The following CIAO2A variants were observed in gnomAD, a reference collection of about 807,000 sequenced individuals.
The protein encoded by CIAO2A is MIP18 family protein FAM96A.
Under a neutral mutation model 22.4 loss-of-function variants are expected in CIAO2A, and 17 were observed. That is an observed-to-expected ratio of 0.76 (90% CI 0.52 to 1.14). The LOEUF (loss-of-function observed/expected upper bound fraction) is 1.14. Among genes scored for constraint, CIAO2A ranks in the 50% most tolerant of loss-of-function variants. The pLI, the probability that CIAO2A is intolerant of heterozygous loss-of-function variation, is 0.00. For synonymous variants in CIAO2A, 74 were observed against 72.3 expected, an observed-to-expected ratio of 1.02 and a Z score of -0.12; for missense variants, 192 against 191.4, an observed-to-expected ratio of 1.00 and a Z score of -0.02.
chr15:64,073,267 A>G (rs1275829212), intron 4 of CIAO2A, among the ~76,000 whole-genome samples: 1 of 152,198 alleles, frequency 6.6e-6, no homozygotes, highest in Non-Finnish European at 1.5e-5. Flanking sequence ...GTCCATACAC[A>G]TATTTTTATA....
chr15:64,077,737 T>C (rs1412792464), intron 3 of CIAO2A, among the ~76,000 whole-genome samples: 1 of 152,038 alleles, frequency 6.6e-6, no homozygotes, highest in Non-Finnish European at 1.5e-5. Context: ...CTAAATTAAA[T>C]GAGACTAAAG....
At chr15:64,083,920 G>A (rs2080775048) in intron 2 of CIAO2A, among the ~76,000 whole-genome samples, 1 of 151,482 alleles carries the variant, frequency 6.6e-6, no homozygotes, top group South Asian at 2.1e-4. Flanking sequence ...TCCAACCTGG[G>A]CAACAGAGCA....
In CIAO2A at chr15:64,084,929, C is replaced by T. The variant is rs533403123; in HGVS notation, c.289+3758G>A. On this transcript the variant is annotated intron_variant, in intron 2 of 4. Transcript: ENST00000300030. ...CCAACATGGTGAAACCCCGTCTCTA[C>T]TAAAAATACAAAAATTAGCTGGGCT... Among the ~76,000 whole-genome samples the T allele has an allele frequency of 9.2e-5, 14 of 151,478 alleles. No individual in the cohort carries two copies. The East Asian group carries it at 2.5e-3, about 27-fold the overall frequency.
intron 2 of CIAO2A, among the ~76,000 whole-genome samples, chr15:64,085,619 T>C (rs1422946700): frequency 6.6e-6 from 1 of 152,302 alleles, no homozygotes; most frequent in East Asian, 1.9e-4. Context: ...GTTTTACAGA[T>C]AAGGAAACTG....
Position 64,088,798 on chromosome 15 carries a change from C to T in CIAO2A, c.178G>A (p.Glu60Lys). 6.2e-7 allele frequency: 1 copy of T among 1,614,032 alleles called. No homozygotes were observed. Among genetic ancestry groups the T allele is most frequent in the East Asian group, 2.2e-5 (1 of 44,866 alleles). ...TCCACACAACTTTCCGAGACCACTTCCAGTTCTTCTAAAGTATTGGGCTTT... is the reference window on the plus strand; with the variant it reads ...TCCACACAACTTTCCGAGACCACTTTCAGTTCTTCTAAAGTATTGGGCTTT... ...PEKPNTLEEL[E>K]VVSESCVEVQ... The change falls in exon 2 of 5, where the codon GAA becomes AAA. Residue 60 changes from glutamate to lysine, a missense_variant. Transcript: ENST00000300030.
chr15:64,083,887 A>C (rs1261119942), intron 2 of CIAO2A, among the ~76,000 whole-genome samples: 1 of 151,358 alleles, frequency 6.6e-6, no homozygotes. Flanking sequence ...AGGTTGCAGT[A>C]AGCCAAGACA....
At chr15:64,077,753 T>C (rs904424900) in intron 3 of CIAO2A, among the ~76,000 whole-genome samples, 1 of 152,138 alleles carries the variant, frequency 6.6e-6, no homozygotes, top group African/African-American at 2.4e-5. Context: ...TAAAGAGACA[T>C]GGCAACTAAT....
chr15:64,072,649 AGTT>A lies in CIAO2A; in HGVS notation c.*279_*281del. 1 of 254,168 alleles carries A rather than the reference AGTT, an allele frequency of 3.9e-6. No homozygotes were observed. Among genetic ancestry groups the A allele is most frequent in the Non-Finnish European group, 7.5e-6 (1 of 134,156 alleles). 15.7% of individuals were successfully genotyped at this position (254,168 alleles called of 1,614,324 possible). A position where few individuals can be genotyped will look rare whatever the true frequency, so the allele number is the denominator to read the frequency against. ...ACAGTAGATATTTGACACGAAAAAT[AGTT>A]GTATCAGAATGAGCATCAGAAAAAT... On this transcript the variant is annotated 3_prime_UTR_variant, in exon 5 of 5. Transcript: ENST00000300030.
At chr15:64,078,608 C>A (rs1232915391) in intron 3 of CIAO2A, among the ~76,000 whole-genome samples, 1 of 136,102 alleles carries the variant, frequency 7.3e-6, no homozygotes, top group South Asian at 2.2e-4. Context: ...TGCCCTCCAG[C>A]CTGGGCGACA....
At chr15:64,074,752 T>G (rs1485680228) in intron 4 of CIAO2A, 1 of 152,208 alleles carries the variant, frequency 6.6e-6, no homozygotes, top group Non-Finnish European at 1.5e-5. Context: ...GCCCTGTGTA[T>G]GCCTTTCTGA....
rs2411150 is a variant in CIAO2A, at chr15:64,072,797, G to A, written c.*134C>T. The A allele has an allele frequency of 1.3e-5, 7 of 546,682 alleles. No homozygotes were observed. Among genetic ancestry groups the A allele is most frequent in the South Asian group, 2.9e-5 (1 of 34,664 alleles). 33.9% of individuals were successfully genotyped at this position (546,682 alleles called of 1,614,324 possible). A position where few individuals can be genotyped will look rare whatever the true frequency, so the allele number is the denominator to read the frequency against. On this transcript the variant is annotated 3_prime_UTR_variant, in exon 5 of 5. Transcript: ENST00000300030. Reference sequence around the variant, plus strand: ...AGGTACTACCTTATAATTAAATCTCGCTTGGAAAGAATCCTTTAAAAAATA... The same window carrying A: ...AGGTACTACCTTATAATTAAATCTCACTTGGAAAGAATCCTTTAAAAAATA...
At chr15:64,073,510 T>C (rs1166704342) in intron 4 of CIAO2A, among the ~76,000 whole-genome samples, 2 of 152,232 alleles carry the variant, frequency 1.3e-5, no homozygotes, top group Non-Finnish European at 1.5e-5. Flanking sequence ...ATTCATATCA[T>C]TGATTTACTT....
At chr15:64,088,575 T>C in intron 2 of CIAO2A, 112 bp downstream of exon 2, 1 of 799,044 alleles carries the variant, frequency 1.3e-6, no homozygotes, top group Non-Finnish European at 1.9e-6. Context: ...TAAAGTGTAA[T>C]ACATACACTG....
In CIAO2A at chr15:64,072,641, C is replaced by T. The variant is rs117537239; in HGVS notation, c.*290G>A. The T allele has an allele frequency of 2.1e-3, 502 of 240,470 alleles. 3 individuals carry two copies. Among genetic ancestry groups the T allele is most frequent in the East Asian group, 0.018 (203 of 11,490 alleles). The allele number at this position is 240,470 out of a possible 1,614,324, so 14.9% of individuals were successfully genotyped here. A position where few individuals can be genotyped will look rare whatever the true frequency, so the allele number is the denominator to read the frequency against. On this transcript the variant is annotated 3_prime_UTR_variant, in exon 5 of 5. Coordinates refer to ENST00000300030, the MANE Select transcript of CIAO2A (RefSeq NM_032231.7). The stretch of plus-strand genomic sequence containing the variant: ...ATTTGGGCACAGTAGATATTTGACA[C>T]GAAAAATAGTTGTATCAGAATGAGC...
chr15:64,084,660 T>C (rs949687347), intron 2 of CIAO2A, among the ~76,000 whole-genome samples: 1 of 151,944 alleles, frequency 6.6e-6, no homozygotes, highest in Admixed American at 6.6e-5. Flanking sequence ...TCCCAGCTGC[T>C]TGGGAGGCTG....
chr15:64,093,532 A>C, intron 1 of CIAO2A, 113 bp downstream of exon 1: 1 of 1,270,770 alleles, frequency 7.9e-7, no homozygotes, highest in Non-Finnish European at 1.1e-6. Flanking sequence ...CAAACAAACA[A>C]ACAAAAAAAA....
intron 1 of CIAO2A, among the ~76,000 whole-genome samples, chr15:64,092,981 GTTCT>G (rs759441304): frequency 2.4e-4 from 37 of 152,362 alleles, no homozygotes; most frequent in Non-Finnish European, 4.1e-4. Context: ...CCTCCAGGTA[GTTCT>G]TTAACCTTTG....
chr15:64,093,534 CAA>C, intron 1 of CIAO2A, 109 bp downstream of exon 1: 3 of 1,242,914 alleles, frequency 2.4e-6, no homozygotes, highest in Non-Finnish European at 3.3e-6. Context: ...AACAAACAAA[CAA>C]AAAAAAAGGT....
chr15:64,087,603 T>G lies in CIAO2A; in HGVS notation c.289+1084A>C, dbSNP rs368843620. On this transcript the variant is annotated intron_variant, in intron 2 of 4. Transcript: ENST00000300030. ...CCAGTCCCTCAAGATGTGGCCTATA[T>G]GGTGGAAACCACCAGCAGAGGGAAC... Among the ~76,000 whole-genome samples, 5 of 152,354 alleles carry G rather than the reference T, an allele frequency of 3.3e-5. No individual in the cohort carries two copies. In the East Asian group the frequency reaches 9.6e-4, roughly 29 times the overall value.
Sources: allele counts gnomAD v4.1 joint callset (sites outside exome capture counted in the v4.1 genomes callset), GRCh38; gene constraint gnomAD v4.1.1; transcripts MANE v1.5; gene names NCBI Gene and HGNC (gene_info 2026-07-23, HGNC 2026-07-21).